The following PPM1L variants were observed in gnomAD, a reference collection of about 807,000 sequenced individuals.
PPM1L encodes protein phosphatase, Mg2+/Mn2+ dependent 1L, also known as protein phosphatase 1L.
A neutral mutation model predicts 31.4 loss-of-function variants in PPM1L; 13 were observed. The ratio of observed to expected loss-of-function variants is 0.41; its 90% CI spans 0.27 to 0.66. The LOEUF (loss-of-function observed/expected upper bound fraction) is 0.66. Among genes scored for constraint, PPM1L ranks in the 30% least tolerant of loss-of-function variants. The pLI, the probability that PPM1L is intolerant of heterozygous loss-of-function variation, is 0.29. For synonymous variants in PPM1L, 184 were observed against 175.4 expected, an observed-to-expected ratio of 1.05 and a Z score of -0.39; for missense variants, 326 against 453.7, an observed-to-expected ratio of 0.72 and a Z score of 2.56.
At chr3:160,869,930 T>C (rs1352244184) in intron 1 of PPM1L, among the ~76,000 whole-genome samples, 2 of 152,244 alleles carry the variant, frequency 1.3e-5, no homozygotes, top group Non-Finnish European at 2.9e-5. Flanking sequence ...TCTTGGCTTG[T>C]CCGTTGTTGC....
At chr3:160,850,995 T>G (rs1040861887) in intron 1 of PPM1L, among the ~76,000 whole-genome samples, 6 of 152,106 alleles carry the variant, frequency 3.9e-5, no homozygotes, top group Admixed American at 6.5e-5. Flanking sequence ...TTCTCTCTCC[T>G]GTCAGTCCCA....
At chr3:160,828,127 G>A (rs1215857664) in intron 1 of PPM1L, among the ~76,000 whole-genome samples, 2 of 152,056 alleles carry the variant, frequency 1.3e-5, no homozygotes, top group African/African-American at 4.8e-5. Context: ...TTCAGCATGA[G>A]ATTTGAGGGG....
rs558857433 is a variant in PPM1L at position 160,980,358 on chromosome 3, T to C, written c.574+18448T>C. Among the ~76,000 whole-genome samples the C allele has an allele frequency of 5.3e-5, 8 of 152,158 alleles. No homozygotes were observed. The East Asian group carries it at 1.5e-3, about 29-fold the overall frequency. On this transcript the variant is annotated intron_variant, in intron 2 of 3. Transcript: ENST00000498165. ...TTCATGATAATTCTTTGTGATATTA[T>C]ACTTAATGGGGCTTTTTATGAAGAT...
chr3:160,953,663 TG>T (rs1715643392), intron 1 of PPM1L, among the ~76,000 whole-genome samples: 3 of 152,234 alleles, frequency 2.0e-5, no homozygotes, highest in South Asian at 2.1e-4. Flanking sequence ...GAAGCTTTTT[TG>T]GCTCCCTGGA....
chr3:160,844,785 A>G (rs931698000), intron 1 of PPM1L, among the ~76,000 whole-genome samples: 1 of 152,058 alleles, frequency 6.6e-6, no homozygotes, highest in African/African-American at 2.4e-5. Context: ...AAAGTGTACA[A>G]TTCAATAGTT....
chr3:160,947,896 A>G (rs998126108), intron 1 of PPM1L, among the ~76,000 whole-genome samples: 2 of 152,192 alleles, frequency 1.3e-5, no homozygotes, highest in African/African-American at 2.4e-5. Flanking sequence ...TATTATTTCC[A>G]TAATTGGCCC....
chr3:160,798,261 G>T (rs1712319744), intron 1 of PPM1L, among the ~76,000 whole-genome samples: 1 of 152,200 alleles, frequency 6.6e-6, no homozygotes, highest in African/African-American at 2.4e-5. Flanking sequence ...ATTGATGAAG[G>T]TGGCTACACT....
chr3:160,912,843 C>T (rs908374780), intron 1 of PPM1L, among the ~76,000 whole-genome samples: 8 of 152,106 alleles, frequency 5.3e-5, no homozygotes, highest in Non-Finnish European at 1.2e-4. Context: ...AAAGATTTTA[C>T]AGTGTAGTAG....
chr3:160,889,794 C>A (rs560975592), intron 1 of PPM1L, among the ~76,000 whole-genome samples: 1 of 152,180 alleles, frequency 6.6e-6, no homozygotes, highest in Non-Finnish European at 1.5e-5. Context: ...TATCAAAAAA[C>A]GTATCCACCA....
chr3:160,776,620 T>A (rs1576632318), intron 1 of PPM1L, among the ~76,000 whole-genome samples: 1 of 133,860 alleles, frequency 7.5e-6, no homozygotes, highest in Admixed American at 7.6e-5. Context: ...TTTTTTTTTT[T>A]GGAGACAGAG....
At chr3:161,057,291 A>G (rs570823361) in intron 2 of PPM1L, among the ~76,000 whole-genome samples, 2 of 152,214 alleles carry the variant, frequency 1.3e-5, no homozygotes, top group African/African-American at 4.8e-5. Context: ...AACTAGCCAC[A>G]TGACCTTAAA....
chr3:160,844,237 C>CA (rs1714001065), intron 1 of PPM1L, among the ~76,000 whole-genome samples: 1 of 152,162 alleles, frequency 6.6e-6, no homozygotes, highest in Non-Finnish European at 1.5e-5. Flanking sequence ...CTAATACTTA[C>CA]AGTGATAGAG....
At chr3:160,778,437 T>C (rs747852108) in intron 1 of PPM1L, among the ~76,000 whole-genome samples, 22 of 152,192 alleles carry the variant, frequency 1.4e-4, no homozygotes, top group South Asian at 2.1e-4. Context: ...CACTGTTTTT[T>C]TAAGGAGCAT....
At chr3:160,924,713 A>G (rs1337911741) in intron 1 of PPM1L, among the ~76,000 whole-genome samples, 1 of 152,238 alleles carries the variant, frequency 6.6e-6, no homozygotes, top group East Asian at 1.9e-4. Context: ...TGTAATATAT[A>G]GTACCTCATG....
intron 2 of PPM1L, among the ~76,000 whole-genome samples, chr3:160,990,921 C>G (rs1717111539): frequency 6.6e-6 from 1 of 152,120 alleles, no homozygotes; most frequent in East Asian, 1.9e-4. Context: ...GTTATTTTGA[C>G]AACCAAAAAT....
chr3:160,968,943 G>A (rs1381683317), intron 2 of PPM1L, among the ~76,000 whole-genome samples: 1 of 152,158 alleles, frequency 6.6e-6, no homozygotes, highest in East Asian at 1.9e-4. Context: ...AACCTATACA[G>A]CCTTCCAATG....
At chr3:160,944,813 T>TATATTAAACATATATA (rs1482095270) in intron 1 of PPM1L, among the ~76,000 whole-genome samples, 2 of 15,578 alleles carry the variant, frequency 1.3e-4, no homozygotes, top group East Asian at 1.8e-3. Context: ...ATATATAACA[T>TATATTAAACATATATA]ATATATGTTA....
At chr3:160,885,373 T>C (rs1005502765) in intron 1 of PPM1L, among the ~76,000 whole-genome samples, 1 of 152,154 alleles carries the variant, frequency 6.6e-6, no homozygotes, top group African/African-American at 2.4e-5. Context: ...CTATTATGAA[T>C]GCATTAGGTA....
chr3:160,908,991 T>C (rs1713860498), intron 1 of PPM1L, among the ~76,000 whole-genome samples: 3 of 152,182 alleles, frequency 2.0e-5, no homozygotes, highest in Admixed American at 6.5e-5. Flanking sequence ...GAACAACATA[T>C]ACAAGCAATG....
Sources: allele counts gnomAD v4.1 joint callset (sites outside exome capture counted in the v4.1 genomes callset), GRCh38; gene constraint gnomAD v4.1.1; transcripts MANE v1.5; gene names NCBI Gene and HGNC (gene_info 2026-07-23, HGNC 2026-07-21).